YAF2: variants seen among roughly 807,000 people sequenced by gnomAD.
YAF2 encodes YY1-associated factor 2.
In YAF2, 7 loss-of-function variants were observed where a neutral mutation model predicts 20.1. That is an observed-to-expected ratio of 0.35 (90% CI 0.20 to 0.65). The LOEUF is 0.65. Among genes scored for constraint, YAF2 ranks in the 30% least tolerant of loss-of-function variants. YAF2 has a pLI of 0.69. For missense variants in YAF2, 151 were observed against 219.2 expected (o/e 0.69, Z 1.96); for synonymous variants, 74 against 76.0 (o/e 0.97, Z 0.14).
intron 2 of YAF2, among the ~76,000 whole-genome samples, chr12:42,228,177 G>A (rs1232907877): frequency 1.0e-4 from 8 of 78,778 alleles, no homozygotes; most frequent in African/African-American, 1.6e-4. Context: ...CCGGCCAGCC[G>A]CCCCGTCCGG....
At chr12:42,204,673 C>T (rs1238790779) in intron 2 of YAF2, among the ~76,000 whole-genome samples, 1 of 152,106 alleles carries the variant, frequency 6.6e-6, no homozygotes, top group African/African-American at 2.4e-5. Context: ...AAACATCCAT[C>T]AACTGATAAA....
At chr12:42,222,805 T>C (rs955348531) in intron 2 of YAF2, among the ~76,000 whole-genome samples, 1 of 152,216 alleles carries the variant, frequency 6.6e-6, no homozygotes, top group Non-Finnish European at 1.5e-5. Flanking sequence ...TAAATGGTTT[T>C]AATTCTCATT....
At chr12:42,229,857 A>G (rs192092044) in intron 2 of YAF2, among the ~76,000 whole-genome samples, 5 of 152,320 alleles carry the variant, frequency 3.3e-5, no homozygotes, top group Admixed American at 3.3e-4. Flanking sequence ...ATGGGACTGT[A>G]TATGTGGTCC....
intron 2 of YAF2, among the ~76,000 whole-genome samples, chr12:42,208,178 A>AAC (rs2067106812): frequency 6.6e-6 from 1 of 152,138 alleles, no homozygotes; most frequent in Non-Finnish European, 1.5e-5. Flanking sequence ...CTGTAATCCT[A>AAC]ACACTTTGGG....
intron 2 of YAF2, among the ~76,000 whole-genome samples, chr12:42,167,301 T>C (rs1196098365): frequency 1.3e-5 from 2 of 151,834 alleles, no homozygotes; most frequent in Non-Finnish European, 2.9e-5. Flanking sequence ...GAACTTACAG[T>C]AAAATAAAAA....
chr12:42,228,316 G>A (rs1378734284), intron 2 of YAF2, among the ~76,000 whole-genome samples: 2 of 45,368 alleles, frequency 4.4e-5, no homozygotes, highest in African/African-American at 3.3e-4. Flanking sequence ...CAGCCCCCCT[G>A]CCCGGCCAGC....
At chr12:42,205,152 GA>G (rs1003786186) in intron 2 of YAF2, among the ~76,000 whole-genome samples, 3 of 145,492 alleles carry the variant, frequency 2.1e-5, no homozygotes, top group East Asian at 2.0e-4. Context: ...AGACAAATTT[GA>G]AAAAAAAATT....
intron 2 of YAF2, among the ~76,000 whole-genome samples, chr12:42,225,215 GT>G (rs900720978): frequency 6.7e-6 from 1 of 148,638 alleles, no homozygotes; most frequent in Non-Finnish European, 1.5e-5. Context: ...TGATGGGGTT[GT>G]TTTTTTTCTT....
intron 2 of YAF2, chr12:42,235,922 T>A: frequency 6.5e-7 from 1 of 1,536,120 alleles, no homozygotes; most frequent in Non-Finnish European, 8.7e-7. Context: ...CACCACCTAC[T>A]CTATTTCTCA....
At position 42,235,433 on chromosome 12, in the gene YAF2, C is replaced by T. The variant is rs1037790103; in HGVS notation, c.152+2166G>A. The T allele has an allele frequency of 9.1e-6, 10 of 1,096,942 alleles. No homozygotes were observed. In the African/African-American group the frequency reaches 1.5e-4, roughly 16 times the overall value. 68.0% of individuals were successfully genotyped at this position (1,096,942 alleles called of 1,614,324 possible). A position where few individuals can be genotyped will look rare whatever the true frequency, so the allele number is the denominator to read the frequency against. On this transcript the variant is annotated intron_variant, in intron 2 of 3. Transcript: ENST00000534854. ...TCAATATCTTCTCTAGTAACAATAC[C>T]CTGTTCCACACTGTTCTATACAAAC...
In YAF2 at chr12:42,235,757, T is replaced by C. The variant is rs375484071; in HGVS notation, c.152+1842A>G. 477 of 1,535,144 alleles carry C rather than the reference T, an allele frequency of 3.1e-4. 3 individuals are homozygous for C. In the East Asian group the frequency reaches 8.4e-3, roughly 27 times the overall value. ...TGGATCTACAAGAGCTTAGATGTAC[T>C]GGTAAAAAAAAAAAATGTCAGGGGC... On this transcript the variant is annotated intron_variant, in intron 2 of 3. Transcript: ENST00000534854.
At chr12:42,176,911 G>A (rs1346943083) in intron 2 of YAF2, among the ~76,000 whole-genome samples, 1 of 152,074 alleles carries the variant, frequency 6.6e-6, no homozygotes, top group Non-Finnish European at 1.5e-5. Context: ...AGGTTGCAGT[G>A]AACCGAGATC....
At chr12:42,194,710 A>T (rs2066705837) in intron 2 of YAF2, among the ~76,000 whole-genome samples, 1 of 152,198 alleles carries the variant, frequency 6.6e-6, no homozygotes, top group African/African-American at 2.4e-5. Flanking sequence ...TTGTACAGTT[A>T]CTCACTCACT....
intron 2 of YAF2, among the ~76,000 whole-genome samples, chr12:42,226,794 T>C (rs1171174509): frequency 1.3e-5 from 2 of 152,116 alleles, no homozygotes; most frequent in East Asian, 1.9e-4. Flanking sequence ...CAAATAGCAA[T>C]AGTCAAATTT....
intron 2 of YAF2, among the ~76,000 whole-genome samples, chr12:42,219,479 G>A (rs2067452201): frequency 6.6e-6 from 1 of 152,186 alleles, no homozygotes; most frequent in South Asian, 2.1e-4. Context: ...TTTTGGACAT[G>A]AGAGTTCATT....
intron 2 of YAF2, among the ~76,000 whole-genome samples, chr12:42,193,114 A>G (rs2066657664): frequency 6.6e-6 from 1 of 152,160 alleles, no homozygotes; most frequent in Non-Finnish European, 1.5e-5. Flanking sequence ...CAGGAGTTTG[A>G]GACCAGCCTG....
intron 2 of YAF2, among the ~76,000 whole-genome samples, chr12:42,227,126 C>T (rs998915131): frequency 2.7e-5 from 4 of 145,630 alleles, no homozygotes; most frequent in African/African-American, 5.1e-5. Context: ...CAGTCTTTGC[C>T]GCCGCGCCGG....
Position 42,238,089 on chromosome 12 carries a change from C to T in YAF2, c.26+66G>A, listed in dbSNP as rs558156032. 1,630 of 1,353,326 alleles carry T rather than the reference C, an allele frequency of 1.2e-3. 14 individuals are homozygous for T. Among genetic ancestry groups the T allele is most frequent in the Non-Finnish European group, 7.0e-4 (734 of 1,043,130 alleles). The allele number at this position is 1,353,326 out of a possible 1,614,324, so 83.8% of individuals were successfully genotyped here. A position where few individuals can be genotyped will look rare whatever the true frequency, so the allele number is the denominator to read the frequency against. On this transcript the variant is annotated intron_variant, in intron 1 of 3. Coordinates refer to ENST00000534854, the MANE Select transcript of YAF2 (RefSeq NM_005748.6). The stretch of plus-strand genomic sequence containing the variant: ...GCCCGGGCGGCTAGCGAGGCGGCCA[C>T]CCGAAGCCCTGCACGAGGGCCCTGC...
chr12:42,165,639 T>C (rs1240853019), intron 2 of YAF2, among the ~76,000 whole-genome samples: 1 of 150,816 alleles, frequency 6.6e-6, no homozygotes, highest in African/African-American at 2.4e-5. Flanking sequence ...AATTTTTTTT[T>C]ATTTTTTATT....
Sources: allele counts gnomAD v4.1 joint callset (sites outside exome capture counted in the v4.1 genomes callset), GRCh38; gene constraint gnomAD v4.1.1; transcripts MANE v1.5; gene names NCBI Gene and HGNC (gene_info 2026-07-23, HGNC 2026-07-21).